The following CASD1 variants were observed in gnomAD, a reference collection of about 807,000 sequenced individuals.
The protein encoded by CASD1 is CAS1 domain sialic acid O acetyltransferase 1.
A neutral mutation model predicts 100.0 loss-of-function variants in CASD1; 41 were observed. The observed-to-expected ratio is 0.41, with a 90% CI of 0.32 to 0.53. The LOEUF (loss-of-function observed/expected upper bound fraction) is 0.53, where lower values mean the gene tolerates loss of function less well. Ranked by LOEUF, CASD1 falls within the 20% of genes least tolerant of loss-of-function variation. The pLI is 0.25. For missense variants in CASD1, 774 were observed against 948.7 expected (o/e 0.82, Z 2.42); for synonymous variants, 321 against 315.6 (o/e 1.02, Z -0.18).
the CASD1 span, chr7:94,599,474 TAG>T: frequency 3.7e-6 from 2 of 537,362 alleles, no homozygotes; most frequent in South Asian, 5.5e-5. Flanking sequence ...TGAAATATTT[TAG>T]GTTTAATTTT....
chr7:94,527,985 A>G lies in CASD1; in HGVS notation c.397-203A>G, dbSNP rs139328654. The stretch of plus-strand genomic sequence containing the variant: ...AAAGATTGCTCTGGCTAAAATGTGG[A>G]CAGTAGGTTAGAGGAAGACAAAAGT... On this transcript the variant is annotated intron_variant, in intron 4 of 17. Coordinates refer to ENST00000297273, the MANE Select transcript of CASD1 (RefSeq NM_022900.5). Among the ~76,000 whole-genome samples, 455 of 152,356 alleles carry G rather than the reference A, an allele frequency of 3.0e-3. 3 individuals carry two copies. The highest frequency in any genetic ancestry group is 0.01 in the African/African-American group (423 of 41,586).
chr7:94,512,039 A>T (rs1670596878), intron 1 of CASD1, among the ~76,000 whole-genome samples: 1 of 152,226 alleles, frequency 6.6e-6, no homozygotes, highest in African/African-American at 2.4e-5. Flanking sequence ...GAAGACTGGG[A>T]AAAATAAACA....
At chr7:94,609,148 TTGCAAAA>T in the CASD1 span, among the ~76,000 whole-genome samples, 1 of 152,180 alleles carries the variant, frequency 6.6e-6, no homozygotes, top group Admixed American at 6.5e-5. Flanking sequence ...AAGGAAATAT[TTGCAAAA>T]TGCATATCTG....
the CASD1 span, chr7:94,628,645 T>A: frequency 2.7e-6 from 1 of 370,844 alleles, no homozygotes; most frequent in Non-Finnish European, 5.0e-6. Context: ...GTTCTGCCAG[T>A]GAGACAACTA....
intron 3 of CASD1, among the ~76,000 whole-genome samples, chr7:94,524,560 C>G (rs998388484): frequency 1.3e-5 from 2 of 152,050 alleles, no homozygotes; most frequent in African/African-American, 4.8e-5. Flanking sequence ...TAAATTGTTA[C>G]AAATACTCCA....
At chr7:94,602,030 C>A in the CASD1 span, among the ~76,000 whole-genome samples, 1 of 152,114 alleles carries the variant, frequency 6.6e-6, no homozygotes, top group Non-Finnish European at 1.5e-5. Flanking sequence ...AAACAAAAAT[C>A]TTCAAGGAGT....
chr7:94,566,809 C>T, the CASD1 span, among the ~76,000 whole-genome samples: 1 of 151,960 alleles, frequency 6.6e-6, no homozygotes, highest in Non-Finnish European at 1.5e-5. Flanking sequence ...AAATCTGGGC[C>T]CTCAATTGAC....
the CASD1 span, chr7:94,587,852 G>T: frequency 6.6e-7 from 1 of 1,526,022 alleles, no homozygotes; most frequent in South Asian, 1.3e-5. Flanking sequence ...GATAATTTCT[G>T]AATGAAAACA....
chr7:94,519,711 C>T (rs10280503), intron 3 of CASD1, among the ~76,000 whole-genome samples: 80,351 of 151,930 alleles, frequency 0.53, 22,037 homozygotes, highest in South Asian at 0.73. Context: ...CTCACTATTT[C>T]GCCCAAGCTG....
chr7:94,609,945 G>A, the CASD1 span, among the ~76,000 whole-genome samples: 2 of 152,152 alleles, frequency 1.3e-5, no homozygotes, highest in African/African-American at 4.8e-5. Context: ...GCCAAAATAT[G>A]GGGGCAACCA....
rs1796175456 is a variant in CASD1 at position 94,555,788 on chromosome 7, T to C, written c.*30T>C. On this transcript the variant is annotated 3_prime_UTR_variant, in exon 18 of 18. Coordinates refer to ENST00000297273, the MANE Select transcript of CASD1 (RefSeq NM_022900.5). ...CAAAAATTCTAAAAAACCTAAACTC[T>C]TCAGGCTACCTTTGTGTGTCTCTAG... 6.3e-7 allele frequency: 1 copy of C among 1,591,638 alleles called. No homozygotes were observed. Among genetic ancestry groups the C allele is most frequent in the Non-Finnish European group, 8.5e-7 (1 of 1,169,860 alleles).
the CASD1 span, chr7:94,626,987 T>TTGCATTTATATATTTCTTTTATAA: frequency 6.6e-6 from 1 of 152,046 alleles, no homozygotes. Context: ...ATGTGGTGAA[T>TTGCATTTATATATTTCTTTTATAA]TGCATTTATA....
intron 10 of CASD1, among the ~76,000 whole-genome samples, chr7:94,540,009 A>AT (rs1795315014): frequency 6.6e-6 from 1 of 152,082 alleles, no homozygotes; most frequent in African/African-American, 2.4e-5. Context: ...CCTGGAAAAA[A>AT]TAAGTTTTTT....
At chr7:94,549,406 C>G in intron 13 of CASD1, 127 bp from the exon 14 acceptor site, 1 of 464,776 alleles carries the variant, frequency 2.2e-6, no homozygotes, top group African/African-American at 2.0e-5. Flanking sequence ...TGAAATAAAA[C>G]AGAATTTTAA....
intron 5 of CASD1, 129 bp from the exon 6 acceptor site, chr7:94,533,076 G>A (rs1794929217): frequency 1.9e-6 from 1 of 527,206 alleles, no homozygotes; most frequent in East Asian, 3.1e-5. Flanking sequence ...TAATAATAAG[G>A]AATTCTAAAA....
intron 14 of CASD1, among the ~76,000 whole-genome samples, chr7:94,550,157 A>G (rs1795879411): frequency 6.6e-6 from 1 of 152,138 alleles, no homozygotes; most frequent in South Asian, 2.1e-4. Context: ...TATGAACTTG[A>G]TCTTGAAGAA....
At chr7:94,562,571 A>C in the CASD1 span, among the ~76,000 whole-genome samples, 1 of 152,158 alleles carries the variant, frequency 6.6e-6, no homozygotes, top group African/African-American at 2.4e-5. Flanking sequence ...AATAAGGCCG[A>C]AAGTTCTCCT....
chr7:94,559,896 C>T (rs1796313493), downstream of CASD1, among the ~76,000 whole-genome samples: 1 of 152,104 alleles, frequency 6.6e-6, no homozygotes, highest in African/African-American at 2.4e-5. Flanking sequence ...AATGTATTTT[C>T]CCTTTATTTT....
At chr7:94,519,218 A>AT (rs1404247381) in intron 3 of CASD1, among the ~76,000 whole-genome samples, 2 of 152,072 alleles carry the variant, frequency 1.3e-5, no homozygotes, top group Admixed American at 6.5e-5. Flanking sequence ...TTAGTTCATT[A>AT]TTTTTTGGTG....
Sources: gnomAD v4.1 joint callset for allele counts (sites outside exome capture counted in the v4.1 genomes callset) on GRCh38, gnomAD v4.1.1 for gene constraint, MANE v1.5 for transcripts, NCBI Gene and HGNC (gene_info 2026-07-23, HGNC 2026-07-21) for gene names.